The following CNTN5 variants were observed in gnomAD, a reference collection of about 807,000 sequenced individuals.
The protein encoded by CNTN5 is contactin-5.
CNTN5 carries 77 observed loss-of-function variants against 129.1 expected under a neutral mutation model. The ratio of observed to expected loss-of-function variants is 0.60; its 90% CI spans 0.50 to 0.72. CNTN5 has a LOEUF of 0.72. Among genes scored for constraint, CNTN5 ranks in the 30% least tolerant of loss-of-function variants. CNTN5 has a pLI of 0.00. For synonymous variants in CNTN5, 509 were observed against 465.6 expected (o/e 1.09, Z -1.20); for missense variants, 1,478 against 1,328.8 (o/e 1.11, Z -1.75).
chr11:99,393,495 C>G (rs1941368658), intron 2 of CNTN5, among the ~76,000 whole-genome samples: 1 of 151,680 alleles, frequency 6.6e-6, no homozygotes. Context: ...ATGGAGAAAT[C>G]AAGGCAAAGG....
intron 2 of CNTN5, among the ~76,000 whole-genome samples, chr11:99,503,006 T>A (rs1321235048): frequency 6.6e-6 from 1 of 152,196 alleles, no homozygotes; most frequent in Non-Finnish European, 1.5e-5. Flanking sequence ...TTAAAAAGAG[T>A]ATCTAACACT....
At chr11:99,780,195 T>C (rs184973185) in intron 3 of CNTN5, among the ~76,000 whole-genome samples, 1 of 152,144 alleles carries the variant, frequency 6.6e-6, no homozygotes, top group African/African-American at 2.4e-5. Flanking sequence ...CCCCTTCAGA[T>C]TAATTAAGCC....
intron 3 of CNTN5, among the ~76,000 whole-genome samples, chr11:99,784,294 C>G (rs912015414): frequency 6.6e-6 from 1 of 152,026 alleles, no homozygotes; most frequent in South Asian, 2.1e-4. Flanking sequence ...TGCTATCCCT[C>G]CCTTAGCCCC....
chr11:99,597,827 T>C (rs1373099364), intron 3 of CNTN5, among the ~76,000 whole-genome samples: 2 of 152,150 alleles, frequency 1.3e-5, no homozygotes. Flanking sequence ...CTTTCTCCGG[T>C]ATTTTTCACT....
At chr11:99,883,834 C>T (rs1354525219) in intron 6 of CNTN5, among the ~76,000 whole-genome samples, 1 of 152,186 alleles carries the variant, frequency 6.6e-6, no homozygotes, top group Non-Finnish European at 1.5e-5. Flanking sequence ...TTTTCAGACT[C>T]ACTATATGTT....
chr11:99,033,772 C>A (rs1172236358), intron 1 of CNTN5, among the ~76,000 whole-genome samples: 1 of 152,118 alleles, frequency 6.6e-6, no homozygotes, highest in African/African-American at 2.4e-5. Flanking sequence ...CCTTCACCTG[C>A]CTAATTGCCC....
intron 21 of CNTN5, among the ~76,000 whole-genome samples, chr11:100,336,602 G>C (rs1952043310): frequency 6.6e-6 from 1 of 152,146 alleles, no homozygotes; most frequent in African/African-American, 2.4e-5. Context: ...GGTTTCAAGT[G>C]ATTTTACATA....
intron 7 of CNTN5, among the ~76,000 whole-genome samples, chr11:99,927,600 G>GC (rs918559176): frequency 6.6e-6 from 1 of 152,050 alleles, no homozygotes; most frequent in Non-Finnish European, 1.5e-5. Flanking sequence ...AGGCGGAAAA[G>GC]CCCCTTACAA....
rs568636611 is a variant in CNTN5 at position 100,014,840 on chromosome 11, A to G, written c.980+12704A>G. On this transcript the variant is annotated intron_variant, in intron 9 of 24. Transcript: ENST00000524871. ...AATTTAGCCTATTTGATGTTCTTCA[A>G]TACCTTGGTCCACAGCATGTGGGAT... Among the ~76,000 whole-genome samples, 192 of 152,228 alleles carry G rather than the reference A, an allele frequency of 1.3e-3. 2 individuals are homozygous for G. The highest frequency in any genetic ancestry group is 5.4e-3 in the Admixed American group (82 of 15,274).
intron 13 of CNTN5, among the ~76,000 whole-genome samples, chr11:100,126,081 G>C (rs943901078): frequency 3.9e-5 from 6 of 152,202 alleles, no homozygotes; most frequent in African/African-American, 1.4e-4. Context: ...TCAGGAGCAA[G>C]TTGTTTGTTT....
chr11:100,224,870 G>A (rs760778194), intron 16 of CNTN5, 58 bp downstream of exon 16: 1 of 1,552,432 alleles, frequency 6.4e-7, no homozygotes, highest in Admixed American at 1.7e-5. Context: ...TCATACAAAG[G>A]AATTTAAATG....
chr11:99,242,047 T>C (rs1334951080), intron 1 of CNTN5, among the ~76,000 whole-genome samples: 1 of 152,140 alleles, frequency 6.6e-6, no homozygotes, highest in Non-Finnish European at 1.5e-5. Flanking sequence ...TTAATTATGA[T>C]GGTAAATGCC....
At chr11:99,933,172 A>C (rs1296007392) in intron 7 of CNTN5, among the ~76,000 whole-genome samples, 1 of 152,188 alleles carries the variant, frequency 6.6e-6, no homozygotes, top group Non-Finnish European at 1.5e-5. Context: ...TGATGTAGTT[A>C]TTTGATCACA....
At chr11:100,278,310 A>C (rs1950560403) in intron 18 of CNTN5, among the ~76,000 whole-genome samples, 1 of 151,954 alleles carries the variant, frequency 6.6e-6, no homozygotes, top group South Asian at 2.1e-4. Context: ...TTGTGATCTG[A>C]TATAAACTTA....
At chr11:99,214,479 C>G (rs1026655264) in intron 1 of CNTN5, among the ~76,000 whole-genome samples, 1 of 150,036 alleles carries the variant, frequency 6.7e-6, no homozygotes, top group Admixed American at 6.7e-5. Flanking sequence ...AAATGTAACC[C>G]TATTATCTCT....
intron 8 of CNTN5, among the ~76,000 whole-genome samples, chr11:99,986,710 T>C (rs141176038): frequency 2.6e-5 from 4 of 152,276 alleles, no homozygotes; most frequent in Non-Finnish European, 5.9e-5. Context: ...CGTCCAAGAG[T>C]TGTTTAAACC....
rs549875357 is a variant in CNTN5, at chr11:99,555,699, G to A, written c.-70-446G>A. 4.6e-5 allele frequency among the ~76,000 whole-genome samples: 7 copies of A among 151,974 alleles called. No individual in the cohort carries two copies. In the East Asian group the frequency reaches 1.2e-3, roughly 25 times the overall value. On this transcript the variant is annotated intron_variant, in intron 2 of 24. Coordinates refer to ENST00000524871, the MANE Select transcript of CNTN5 (RefSeq NM_014361.4). ...AAATTCCCTGTGGTGGTTTTGATGA[G>A]CTACAGGCACAATGTGTAAAATCAC...
At chr11:100,341,841 A>G (rs1356967964) in intron 23 of CNTN5, among the ~76,000 whole-genome samples, 2 of 151,972 alleles carry the variant, frequency 1.3e-5, no homozygotes, top group Non-Finnish European at 2.9e-5. Flanking sequence ...CTTGTTCTAT[A>G]ATGTCAGATT....
At chr11:99,857,766 G>A (rs1257063073) in intron 6 of CNTN5, among the ~76,000 whole-genome samples, 1 of 151,998 alleles carries the variant, frequency 6.6e-6, no homozygotes, top group African/African-American at 2.4e-5. Flanking sequence ...GTGATCCTAA[G>A]TGCAGAGAGA....
Sources: gnomAD v4.1 joint callset for allele counts (sites outside exome capture counted in the v4.1 genomes callset) on GRCh38, gnomAD v4.1.1 for gene constraint, MANE v1.5 for transcripts, NCBI Gene and HGNC (gene_info 2026-07-23, HGNC 2026-07-21) for gene names.